ANAPC1: variants seen among roughly 807,000 people sequenced by gnomAD.
ANAPC1 encodes anaphase promoting complex subunit 1, also known as anaphase-promoting complex subunit 1.
In ANAPC1, 36 loss-of-function variants were observed where a neutral mutation model predicts 208.0. The observed-to-expected ratio is 0.17, with a 90% confidence interval of 0.13 to 0.23. The LOEUF (loss-of-function observed/expected upper bound fraction) is 0.23, where lower values mean the gene tolerates loss of function less well. Among genes scored for constraint, ANAPC1 ranks in the 10% least tolerant of loss-of-function variants. The pLI is 1.00. For missense variants in ANAPC1, 942 were observed against 2,011.6 expected, an observed-to-expected ratio of 0.47 and a Z score of 10.17; for synonymous variants, 378 against 695.2, an observed-to-expected ratio of 0.54 and a Z score of 7.18.
At chr2:111,832,958 C>T (rs1182268112) in intron 20 of ANAPC1, among the ~76,000 whole-genome samples, 3 of 60,252 alleles carry the variant, frequency 5.0e-5, no homozygotes, top group Non-Finnish European at 1.2e-4. Flanking sequence ...AAAAAAAAAG[C>T]ATCCTTGACC....
chr2:111,826,040 C>T (rs1486769142), intron 21 of ANAPC1, among the ~76,000 whole-genome samples, 185 bp from the exon 22 acceptor site: 1 of 152,156 alleles, frequency 6.6e-6, no homozygotes, highest in African/African-American at 2.4e-5. Flanking sequence ...CCATGCCCAG[C>T]TTATTATTTT....
chr2:111,882,661 TG>T (rs1210421318), intron 1 of ANAPC1, among the ~76,000 whole-genome samples: 1 of 145,462 alleles, frequency 6.9e-6, no homozygotes, highest in Non-Finnish European at 1.5e-5. Context: ...CGCTTCAACC[TG>T]GGAGGCAGAG....
chr2:111,781,028 TTAG>T (rs1677243273), intron 43 of ANAPC1, among the ~76,000 whole-genome samples: 2 of 151,202 alleles, frequency 1.3e-5, no homozygotes, highest in Non-Finnish European at 3.0e-5. Context: ...GTGAATGCAC[TTAG>T]TATTACTGAG....
At chr2:111,801,067 T>C (rs1005378332) in intron 33 of ANAPC1, among the ~76,000 whole-genome samples, 196 bp from the exon 34 acceptor site, 1 of 151,962 alleles carries the variant, frequency 6.6e-6, no homozygotes, top group African/African-American at 2.4e-5. Context: ...AAGCTGAAAA[T>C]ACACTTAGGC....
intron 7 of ANAPC1, 31 bp from the exon 8 acceptor site, chr2:111,864,982 G>C (rs892131226): frequency 6.3e-7 from 1 of 1,586,674 alleles, no homozygotes; most frequent in African/African-American, 1.4e-5. Context: ...ATCAGGTATA[G>C]AACAATGGGC....
intron 6 of ANAPC1, among the ~76,000 whole-genome samples, chr2:111,870,212 T>C (rs1682671073): frequency 6.6e-6 from 1 of 152,254 alleles, no homozygotes; most frequent in African/African-American, 2.4e-5. Flanking sequence ...TAATGACTTT[T>C]ATTTCCTTTG....
chr2:111,855,537 A>G (rs1681653361), intron 13 of ANAPC1, among the ~76,000 whole-genome samples: 1 of 152,250 alleles, frequency 6.6e-6, no homozygotes, highest in Admixed American at 6.5e-5. Context: ...GAATGAGTAA[A>G]CAACACACGC....
At chr2:111,767,378 G>A (rs13422587), downstream of ANAPC1, among the ~76,000 whole-genome samples, 851 of 150,908 alleles carry the variant, frequency 5.6e-3, 8 homozygotes, top group African/African-American at 0.02. Flanking sequence ...TGGATGGTGA[G>A]AGCCATACCC....
chr2:111,789,826 G>GA (rs1677778681), intron 38 of ANAPC1, among the ~76,000 whole-genome samples: 1 of 152,208 alleles, frequency 6.6e-6, no homozygotes, highest in Non-Finnish European at 1.5e-5. Flanking sequence ...GAAGAGCGAG[G>GA]AGAGTCATAC....
chr2:111,858,920 C>T (rs1253621100), intron 10 of ANAPC1, among the ~76,000 whole-genome samples: 1 of 152,088 alleles, frequency 6.6e-6, no homozygotes, highest in South Asian at 2.1e-4. Context: ...GAGCTCGTTA[C>T]ACAGCTTTGT....
Position 111,801,647 on chromosome 2 carries a change from T to G in ANAPC1, c.4222-776A>C, listed in dbSNP as rs74761259. On this transcript the variant is annotated intron_variant, in intron 33 of 47. Coordinates refer to ENST00000341068, the MANE Select transcript of ANAPC1 (RefSeq NM_022662.4). Reference sequence around the variant, plus strand: ...AAAATTGGAAGTAGTTTCTTCTGAATGAGTACCGCTTTCACACTATGGTTA... The same window carrying G: ...AAAATTGGAAGTAGTTTCTTCTGAAGGAGTACCGCTTTCACACTATGGTTA... 5.2e-3 allele frequency among the ~76,000 whole-genome samples: 786 copies of G among 151,318 alleles called. 8 individuals carry two copies. Among genetic ancestry groups the G allele is most frequent in the African/African-American group, 0.017 (681 of 41,168 alleles).
intron 20 of ANAPC1, among the ~76,000 whole-genome samples, chr2:111,832,058 T>C (rs1680169917): frequency 1.4e-5 from 2 of 146,248 alleles, no homozygotes; most frequent in South Asian, 4.5e-4. Flanking sequence ...CTTGGGAGGC[T>C]GAGTCAGGTG....
chr2:111,882,559 G>A (rs1037011571), intron 1 of ANAPC1, among the ~76,000 whole-genome samples: 10 of 150,432 alleles, frequency 6.6e-5, no homozygotes, highest in African/African-American at 1.7e-4. Context: ...GTCAAACCCT[G>A]TCTCTACTAA....
At chr2:111,788,457 T>C in intron 38 of ANAPC1, 137 bp from the exon 39 acceptor site, 1 of 1,128,542 alleles carries the variant, frequency 8.9e-7, no homozygotes. Context: ...AGAGTGTCAG[T>C]GGTGTGAACA....
chr2:111,837,273 T>C (rs1168707906), intron 18 of ANAPC1, among the ~76,000 whole-genome samples: 3 of 152,332 alleles, frequency 2.0e-5, no homozygotes, highest in East Asian at 3.9e-4. Flanking sequence ...AACTAAGATA[T>C]GGTGACAGAA....
intron 34 of ANAPC1, among the ~76,000 whole-genome samples, chr2:111,795,396 T>TA (rs1558671375): frequency 1.4e-5 from 2 of 146,628 alleles, no homozygotes; most frequent in African/African-American, 5.0e-5. Flanking sequence ...AAAAAAATAA[T>TA]AATAATAATA....
intron 46 of ANAPC1, among the ~76,000 whole-genome samples, chr2:111,774,234 A>C (rs1173356730): frequency 3.4e-5 from 5 of 145,902 alleles, no homozygotes; most frequent in African/African-American, 1.3e-4. Context: ...AATACTGAGA[A>C]TTTTTAAAGA....
chr2:111,774,081 A>C (rs1439035431), intron 46 of ANAPC1, among the ~76,000 whole-genome samples: 1 of 152,120 alleles, frequency 6.6e-6, no homozygotes, highest in Admixed American at 6.5e-5. Flanking sequence ...AAATAGTAAA[A>C]TGTGGACAAA....
intron 11 of ANAPC1, chr2:111,857,204 G>A (rs1681779635): frequency 7.0e-6 from 2 of 284,276 alleles, no homozygotes; most frequent in Admixed American, 9.5e-5. Context: ...ATGAGTACAT[G>A]TCAAATTGAT....
Sources: allele counts gnomAD v4.1 joint callset (sites outside exome capture counted in the v4.1 genomes callset), GRCh38; gene constraint gnomAD v4.1.1; transcripts MANE v1.5; gene names NCBI Gene and HGNC (gene_info 2026-07-23, HGNC 2026-07-21).